The following TACR2 variants were observed in gnomAD, a reference collection of about 807,000 sequenced individuals.
TACR2 encodes the protein tachykinin receptor 2, also known as substance-K receptor.
Under a neutral mutation model 28.9 loss-of-function variants are expected in TACR2, and 24 were observed. The observed-to-expected ratio is 0.83, with a 90% CI of 0.60 to 1.17. The LOEUF is 1.17. Ranked by LOEUF, TACR2 falls within the 50% of genes most tolerant of loss-of-function variation. The pLI is 0.00. For synonymous variants in TACR2, 222 were observed against 212.6 expected, an observed-to-expected ratio of 1.04 and a Z score of -0.38; for missense variants, 487 against 524.4, an observed-to-expected ratio of 0.93 and a Z score of 0.70.
chr10:69,404,091 T>C lies in TACR2; in HGVS notation c.*735A>G, dbSNP rs1485812886. On this transcript the variant is annotated 3_prime_UTR_variant, in exon 5 of 5. Coordinates refer to ENST00000373306, the MANE Select transcript of TACR2 (RefSeq NM_001057.3). ...AGCTCAAACTGAGGGTGGAAGTCAG[T>C]TGCCTTTTATCATCACATTTGCAGT... The C allele has an allele frequency of 6.6e-6, 1 of 152,260 alleles. No homozygotes were observed. Among genetic ancestry groups the C allele is most frequent in the Non-Finnish European group, 1.5e-5 (1 of 68,048 alleles). 9.4% of individuals were successfully genotyped at this position (152,260 alleles called of 1,614,324 possible). A position where few individuals can be genotyped will look rare whatever the true frequency, so the allele number is the denominator to read the frequency against.
intron 3 of TACR2, among the ~76,000 whole-genome samples, chr10:69,407,674 G>A (rs149661880): frequency 1.4e-3 from 208 of 152,182 alleles, no homozygotes; most frequent in Middle Eastern, 0.014. Context: ...TTCCCAGGAC[G>A]CCCCCTCTCT....
At chr10:69,409,882 C>CATATATATATATATAT (rs1840548310) in intron 2 of TACR2, among the ~76,000 whole-genome samples, 1 of 113,184 alleles carries the variant, frequency 8.8e-6, no homozygotes, top group East Asian at 3.2e-4. Flanking sequence ...TATATATATA[C>CATATATATATATATAT]ATATATACAT....
At chr10:69,405,326 T>C (rs1840492481) in intron 4 of TACR2, among the ~76,000 whole-genome samples, 1 of 152,006 alleles carries the variant, frequency 6.6e-6, no homozygotes, top group Admixed American at 6.6e-5. Context: ...CTGATTTAGG[T>C]CATCTGTTAT....
At position 69,410,518 on chromosome 10, in the gene TACR2, C is replaced by T. The variant is rs916007595; in HGVS notation, c.588-1443G>A. ...CCTGGGCGATAGAGTGAGACCCTGT[C>T]AAAAAAAAAAAACAAAAAAACGACA... is the stretch of plus-strand genomic sequence containing the variant. On this transcript the variant is annotated intron_variant, in intron 2 of 4. Coordinates refer to ENST00000373306, the MANE Select transcript of TACR2 (RefSeq NM_001057.3). 4.4e-4 allele frequency among the ~76,000 whole-genome samples: 39 copies of T among 89,058 alleles called. 1 individual carries two copies. The highest frequency in any genetic ancestry group is 2.4e-3 in the Admixed American group (23 of 9,568). The allele number at this position is 89,058 out of a possible 152,430, so 58.4% of individuals were successfully genotyped here. A position where few individuals can be genotyped will look rare whatever the true frequency, so the allele number is the denominator to read the frequency against.
chr10:69,408,650 C>T (rs1412022491), intron 3 of TACR2, among the ~76,000 whole-genome samples: 1 of 152,154 alleles, frequency 6.6e-6, no homozygotes, highest in East Asian at 1.9e-4. Flanking sequence ...AAGGCAAATC[C>T]GCCCGGCTGG....
chr10:69,406,403 T>C (rs139203336), intron 4 of TACR2, among the ~76,000 whole-genome samples: 10 of 152,216 alleles, frequency 6.6e-5, no homozygotes, highest in African/African-American at 9.6e-5. Flanking sequence ...CTGGGACTCA[T>C]TTCCTCAGAA....
At position 69,415,098 on chromosome 10, in the gene TACR2, G is replaced by T. The variant is rs1397469604; in HGVS notation, c.434C>A (p.Ala145Asp). 6.2e-7 allele frequency: 1 copy of T among 1,612,878 alleles called. No individual in the cohort carries two copies. Among genetic ancestry groups the T allele is most frequent in the East Asian group, 2.2e-5 (1 of 44,900 alleles). ...AGCAATAACCGCCTTGGTGCTGGGA[G>T]CTGAAAGCCGAGGCTGGAAGGGGTG... is the stretch of plus-strand genomic sequence containing the variant. The part of the protein sequence containing the change: ...IVHPFQPRLS[A>D]PSTKAVIAGI... The change falls in exon 2 of 5, where the codon GCT becomes GAT. Residue 145 changes from alanine (A) to aspartate (D), a missense_variant. Ala to Asp is a moderately radical substitution (Grantham distance 126, BLOSUM62 -2). Transcript: ENST00000373306.
chr10:69,409,241 T>A, intron 2 of TACR2, 166 bp from the exon 3 acceptor site: 1 of 634,956 alleles, frequency 1.6e-6, no homozygotes. Context: ...AAAGGTGGCA[T>A]TGGGTAGCCT....
At chr10:69,407,966 T>C (rs569446261) in intron 3 of TACR2, among the ~76,000 whole-genome samples, 5 of 152,328 alleles carry the variant, frequency 3.3e-5, no homozygotes, top group South Asian at 2.1e-4. Context: ...CATGTGCAGC[T>C]ATCTCCCCGA....
At chr10:69,414,019 C>T (rs1840590292) in intron 2 of TACR2, among the ~76,000 whole-genome samples, 2 of 152,192 alleles carry the variant, frequency 1.3e-5, no homozygotes, top group Non-Finnish European at 2.9e-5. Flanking sequence ...TGGGACCAGG[C>T]CACGACTTGG....
rs117510373 is a variant in TACR2 at position 69,413,495 on chromosome 10, C to T, written c.587+1450G>A. Among the ~76,000 whole-genome samples, 350 of 152,322 alleles carry T rather than the reference C, an allele frequency of 2.3e-3. 2 individuals are homozygous for T. In the East Asian group the frequency reaches 0.029, roughly 13 times the overall value. On this transcript the variant is annotated intron_variant, in intron 2 of 4. Coordinates refer to ENST00000373306, the MANE Select transcript of TACR2 (RefSeq NM_001057.3). ...TCCACCCTTTGCTGAGCCAGAAAGCCGGGCATTCCCCATATATGGATATCG... is the reference window on the plus strand; with the variant it reads ...TCCACCCTTTGCTGAGCCAGAAAGCTGGGCATTCCCCATATATGGATATCG...
chr10:69,412,075 C>G (rs895186933), intron 2 of TACR2, among the ~76,000 whole-genome samples: 1 of 152,210 alleles, frequency 6.6e-6, no homozygotes, highest in African/African-American at 2.4e-5. Context: ...CTGCCTTGGC[C>G]TCCCAAAGTG....
chr10:69,404,659 A>G lies in TACR2; in HGVS notation c.*167T>C. The G allele has an allele frequency of 2.2e-6, 1 of 446,172 alleles. No individual in the cohort carries two copies. The highest frequency in any genetic ancestry group is 5.6e-5 in the South Asian group (1 of 17,708). 27.6% of individuals were successfully genotyped at this position (446,172 alleles called of 1,614,324 possible). A position where few individuals can be genotyped will look rare whatever the true frequency, so the allele number is the denominator to read the frequency against. ...GAGAGGAAGCAAGACAGGGAAACTG[A>G]GGACACCACACTCTTTCTAACAACT... On this transcript the variant is annotated 3_prime_UTR_variant, in exon 5 of 5. Transcript: ENST00000373306.
In TACR2 at chr10:69,404,722, T is replaced by C; in HGVS notation, c.*104A>G. On this transcript the variant is annotated 3_prime_UTR_variant, in exon 5 of 5. Coordinates refer to ENST00000373306, the MANE Select transcript of TACR2 (RefSeq NM_001057.3). The stretch of plus-strand genomic sequence containing the variant: ...AACTAGTCCATTCCCACAAGAGTGA[T>C]GATTCACTTCAACTGGAAGGCATTA... 1 of 563,396 alleles carries C rather than the reference T, an allele frequency of 1.8e-6. No individual in the cohort carries two copies. The highest frequency in any genetic ancestry group is 3.0e-6 in the Non-Finnish European group (1 of 333,962). 34.9% of individuals were successfully genotyped at this position (563,396 alleles called of 1,614,324 possible).
chr10:69,411,993 T>A (rs569402364), intron 2 of TACR2, among the ~76,000 whole-genome samples: 1 of 152,174 alleles, frequency 6.6e-6, no homozygotes, highest in South Asian at 2.1e-4. Context: ...CACCACGCCC[T>A]ACTAATTTTT....
At position 69,415,014 on chromosome 10, in the gene TACR2, G is replaced by A. The variant is rs1324259453; in HGVS notation, c.518C>T (p.Thr173Ile). 6 of 1,613,824 alleles carry A rather than the reference G, an allele frequency of 3.7e-6. No homozygotes were observed. The highest frequency in any genetic ancestry group is 1.3e-5 in the African/African-American group (1 of 74,932). The change falls in exon 2 of 5, where the codon ACC becomes ATC. Residue 173 changes from threonine to isoleucine, a missense_variant. Transcript: ENST00000373306. ...GCACTTGGTGGCACCCTGGTCCATGGTGACGGTGGAGTAGAAGCACTGAGG... is the reference window on the plus strand; with the variant it reads ...GCACTTGGTGGCACCCTGGTCCATGATGACGGTGGAGTAGAAGCACTGAGG... ...ASPQCFYSTV[T>I]MDQGATKCVV... is the part of the protein sequence containing the mutation.
chr10:69,409,922 T>C lies in TACR2; in HGVS notation c.588-847A>G, dbSNP rs1455894848. Among the ~76,000 whole-genome samples, 132 of 90,452 alleles carry C rather than the reference T, an allele frequency of 1.5e-3. 3 individuals carry two copies. The highest frequency in any genetic ancestry group is 4.6e-3 in the African/African-American group (101 of 22,174). The allele number at this position is 90,452 out of a possible 152,430, so 59.3% of individuals were successfully genotyped here. ...ATATATACATATATATATATATATA[T>C]ATATATATATATATATATATAATCT... is the stretch of plus-strand genomic sequence containing the variant. On this transcript the variant is annotated intron_variant, in intron 2 of 4. Coordinates refer to ENST00000373306, the MANE Select transcript of TACR2 (RefSeq NM_001057.3).
Position 69,416,427 on chromosome 10 carries a change from G to A in TACR2, c.-104C>T. On this transcript the variant is annotated 5_prime_UTR_variant, in exon 1 of 5. Transcript: ENST00000373306. ...GAGCATGGGAATATGGGGGCAGGGA[G>A]AGGAGCAGATGCCAAGCGTGGTGGC... 2 of 1,483,802 alleles carry A rather than the reference G, an allele frequency of 1.3e-6. No homozygotes were observed. The highest frequency in any genetic ancestry group is 1.8e-6 in the Non-Finnish European group (2 of 1,112,956). 91.9% of individuals were successfully genotyped at this position (1,483,802 alleles called of 1,614,324 possible).
chr10:69,413,467 C>G (rs1390792651), intron 2 of TACR2, among the ~76,000 whole-genome samples: 1 of 152,204 alleles, frequency 6.6e-6, no homozygotes, highest in Non-Finnish European at 1.5e-5. Context: ...ATATGTTCTG[C>G]TCTCCACCCT....
Sources: gnomAD v4.1 joint callset for allele counts (sites outside exome capture counted in the v4.1 genomes callset) on GRCh38, gnomAD v4.1.1 for gene constraint, MANE v1.5 for transcripts, NCBI Gene and HGNC (gene_info 2026-07-23, HGNC 2026-07-21) for gene names.